The following DOCK2 variants were observed in gnomAD, a reference collection of about 807,000 sequenced individuals.
DOCK2 encodes the protein dedicator of cytokinesis 2.
In DOCK2, 87 loss-of-function variants were observed where a neutral mutation model predicts 248.9. The observed-to-expected ratio is 0.35, with a 90% confidence interval of 0.29 to 0.42. DOCK2 has a LOEUF of 0.42. Among genes scored for constraint, DOCK2 ranks in the 10% least tolerant of loss-of-function variants. The pLI is 1.00. For missense variants in DOCK2, 1,747 were observed against 2,300.2 expected, an observed-to-expected ratio of 0.76 and a Z score of 4.92; for synonymous variants, 805 against 821.6, an observed-to-expected ratio of 0.98 and a Z score of 0.35.
At chr5:169,882,753 A>T (rs1428214503) in intron 27 of DOCK2, 1 of 1,551,698 alleles carries the variant, frequency 6.4e-7, no homozygotes, top group Middle Eastern at 1.7e-4. Context: ...TCCTTGAAAG[A>T]GAGGATGGGA....
intron 27 of DOCK2, among the ~76,000 whole-genome samples, chr5:169,899,257 A>G (rs890085719): frequency 6.6e-6 from 1 of 152,192 alleles, no homozygotes; most frequent in Non-Finnish European, 1.5e-5. Flanking sequence ...GCACGCCCAG[A>G]CAGTATGGCT....
At chr5:169,820,864 AC>A (rs2113234095) in intron 26 of DOCK2, among the ~76,000 whole-genome samples, 1 of 152,234 alleles carries the variant, frequency 6.6e-6, no homozygotes, top group Non-Finnish European at 1.5e-5. Context: ...GAAGTTAAAA[AC>A]CTTGAAAAAA....
chr5:169,747,565 C>T (rs1378550227), intron 23 of DOCK2, 61 bp downstream of exon 23: 2 of 1,406,040 alleles, frequency 1.4e-6, no homozygotes, highest in Non-Finnish European at 2.0e-6. Context: ...TAACAGCATG[C>T]TAAGATAATA....
At chr5:170,000,640 T>C (rs879723921) in intron 30 of DOCK2, among the ~76,000 whole-genome samples, 2 of 152,190 alleles carry the variant, frequency 1.3e-5, no homozygotes, top group Non-Finnish European at 2.9e-5. Flanking sequence ...AAATCTCTGA[T>C]TGGCCCTGGA....
intron 8 of DOCK2, among the ~76,000 whole-genome samples, chr5:169,685,667 A>G (rs1249048045): frequency 6.6e-6 from 1 of 152,220 alleles, no homozygotes; most frequent in Admixed American, 6.5e-5. Flanking sequence ...CCTGAGGAAT[A>G]GTGGTGCTTT....
intron 25 of DOCK2, among the ~76,000 whole-genome samples, chr5:169,794,907 T>A (rs261607): frequency 0.29 from 44,757 of 152,074 alleles, 7,147 homozygotes; most frequent in African/African-American, 0.42. Flanking sequence ...TGGGTGACAG[T>A]GCGAGACTCT....
At chr5:169,699,761 T>C (rs1760853870) in intron 12 of DOCK2, among the ~76,000 whole-genome samples, 1 of 152,164 alleles carries the variant, frequency 6.6e-6, no homozygotes, top group South Asian at 2.1e-4. Flanking sequence ...GAGAGATAGG[T>C]GTTGTCATCC....
At chr5:169,972,586 T>TAGATAGATAGATGATA (rs1554122913) in intron 27 of DOCK2, among the ~76,000 whole-genome samples, 29 of 69,030 alleles carry the variant, frequency 4.2e-4, no homozygotes, top group Non-Finnish European at 6.7e-4. Context: ...GATAGATAGA[T>TAGATAGATAGATGATA]GATAGATAGA....
chr5:169,794,894 G>C (rs1187890973), intron 25 of DOCK2, among the ~76,000 whole-genome samples: 3 of 152,208 alleles, frequency 2.0e-5, no homozygotes, highest in Non-Finnish European at 4.4e-5. Flanking sequence ...CTGCACTCCA[G>C]CCTGGGTGAC....
At chr5:170,012,878 C>T (rs1229884330) in intron 32 of DOCK2, among the ~76,000 whole-genome samples, 2 of 152,220 alleles carry the variant, frequency 1.3e-5, no homozygotes, top group Non-Finnish European at 1.5e-5. Flanking sequence ...TAGCGCCTGG[C>T]ATCTCGGCCT....
intron 26 of DOCK2, among the ~76,000 whole-genome samples, chr5:169,831,617 C>T (rs376886205): frequency 1.3e-5 from 2 of 152,230 alleles, no homozygotes; most frequent in African/African-American, 4.8e-5. Flanking sequence ...CCAAGCACTT[C>T]ACTCATCTCT....
chr5:169,812,166 T>C (rs1767797944), intron 26 of DOCK2, among the ~76,000 whole-genome samples: 1 of 152,272 alleles, frequency 6.6e-6, no homozygotes, highest in East Asian at 1.9e-4. Flanking sequence ...TCATCTGTAT[T>C]TACAGTCACT....
In DOCK2 at chr5:169,716,110, A is replaced by G. The variant is rs553609764; in HGVS notation, c.1942-103A>G. 14 of 1,019,190 alleles carry G rather than the reference A, an allele frequency of 1.4e-5. No homozygotes were observed. In the African/African-American group the frequency reaches 2.1e-4, roughly 15 times the overall value. 63.1% of individuals were successfully genotyped at this position (1,019,190 alleles called of 1,614,324 possible). A position where few individuals can be genotyped will look rare whatever the true frequency, so the allele number is the denominator to read the frequency against. ...ACGTTTTGAGCATGACATGTGGTGG[A>G]TGTGTGCTCTCATTCTCTTATAGAT... On this transcript the variant is annotated intron_variant, in intron 19 of 51. Transcript: ENST00000520908.
intron 1 of DOCK2, among the ~76,000 whole-genome samples, chr5:169,639,478 A>G (rs1027238218): frequency 3.3e-5 from 5 of 152,236 alleles, no homozygotes; most frequent in African/African-American, 1.2e-4. Flanking sequence ...TGGAAAGCTC[A>G]GAAATGGTCT....
intron 23 of DOCK2, among the ~76,000 whole-genome samples, chr5:169,754,479 T>C (rs192084660): frequency 6.6e-6 from 1 of 152,308 alleles, no homozygotes; most frequent in Non-Finnish European, 1.5e-5. Flanking sequence ...TGTTGGCCAT[T>C]CTTGCAACCC....
At chr5:169,859,851 T>G (rs192217498) in intron 27 of DOCK2, among the ~76,000 whole-genome samples, 80 of 152,336 alleles carry the variant, frequency 5.3e-4, no homozygotes, top group Non-Finnish European at 1.6e-4. Context: ...AACAAGAATC[T>G]TTAATTCCCG....
At chr5:169,939,810 A>T (rs775716541) in intron 27 of DOCK2, among the ~76,000 whole-genome samples, 1 of 152,214 alleles carries the variant, frequency 6.6e-6, no homozygotes, top group Non-Finnish European at 1.5e-5. Flanking sequence ...AGGTAAAAAA[A>T]GTCAACCTAG....
At chr5:169,823,929 G>A (rs1768660324) in intron 26 of DOCK2, among the ~76,000 whole-genome samples, 1 of 152,136 alleles carries the variant, frequency 6.6e-6, no homozygotes, top group Non-Finnish European at 1.5e-5. Flanking sequence ...AAAGTCTCAG[G>A]ATACAAAATC....
At chr5:169,995,272 A>C (rs1290036248) in intron 29 of DOCK2, among the ~76,000 whole-genome samples, 3 of 152,014 alleles carry the variant, frequency 2.0e-5, no homozygotes, top group African/African-American at 7.2e-5. Flanking sequence ...CAAGTGATCC[A>C]CCCACCTTAG....
Sources: gnomAD v4.1 joint callset for allele counts (sites outside exome capture counted in the v4.1 genomes callset) on GRCh38, gnomAD v4.1.1 for gene constraint, MANE v1.5 for transcripts, NCBI Gene and HGNC (gene_info 2026-07-23, HGNC 2026-07-21) for gene names.